Variants in SEC14L6 observed in about 807,000 individuals in gnomAD.
The protein encoded by SEC14L6 is SEC14-like protein 6.
SEC14L6 carries 40 observed loss-of-function variants against 54.1 expected under a neutral mutation model. The observed-to-expected ratio is 0.74, with a 90% CI of 0.57 to 0.96. The LOEUF is 0.96. SEC14L6 is among the 40% of genes least tolerant of loss of function. The pLI is 0.00. For synonymous variants in SEC14L6, 171 were observed against 198.4 expected (o/e 0.86, Z 1.16); for missense variants, 471 against 498.3 (o/e 0.95, Z 0.52).
In SEC14L6 at chr22:30,524,911, G is replaced by A. The variant is rs1936712805; in HGVS notation, c.*86C>T. The A allele has an allele frequency of 2.7e-6, 2 of 740,372 alleles. No individual in the cohort carries two copies. The highest frequency in any genetic ancestry group is 2.9e-4 in the Middle Eastern group (1 of 3,412). The allele number at this position is 740,372 out of a possible 1,614,324, so 45.9% of individuals were successfully genotyped here. A position where few individuals can be genotyped will look rare whatever the true frequency, so the allele number is the denominator to read the frequency against. On this transcript the variant is annotated 3_prime_UTR_variant, in exon 12 of 12. Coordinates refer to ENST00000402034, the MANE Select transcript of SEC14L6 (RefSeq NM_001193336.4). ...GTTGTAGAATCCCTGTTCCTGAGAGGTTGAACAGGGTCTGGCCAGGGAAGG... is the reference window on the plus strand; with the variant it reads ...GTTGTAGAATCCCTGTTCCTGAGAGATTGAACAGGGTCTGGCCAGGGAAGG...
intron 8 of SEC14L6, among the ~76,000 whole-genome samples, chr22:30,527,714 CAAAAAAAAAAAAA>C (rs778118906): frequency 3.3e-5 from 1 of 30,152 alleles, no homozygotes; most frequent in African/African-American, 1.1e-4. Flanking sequence ...GACCTTGTCT[CAAAAAAAAAAAAA>C]AAAAAAAAAA....
intron 1 of SEC14L6, chr22:30,543,087 T>A: frequency 3.1e-6 from 5 of 1,600,256 alleles, no homozygotes; most frequent in Non-Finnish European, 4.3e-6. Flanking sequence ...GCGAGTCTCA[T>A]GGCTTCTCAC....
Position 30,532,317 on chromosome 22 carries a change from G to A in SEC14L6, c.423+208C>T, listed in dbSNP as rs1321746036. On this transcript the variant is annotated intron_variant, in intron 5 of 11. Transcript: ENST00000402034. ...GGCCCAGTGGATTGAGTGGGCTTTGGGGCCAATTGGGGGAGAAATGATTCC... is the reference window on the plus strand; with the variant it reads ...GGCCCAGTGGATTGAGTGGGCTTTGAGGCCAATTGGGGGAGAAATGATTCC... 3 of 974,130 alleles carry A rather than the reference G, an allele frequency of 3.1e-6. No individual in the cohort carries two copies. In the African/African-American group the frequency reaches 5.3e-5, roughly 17 times the overall value. 60.3% of individuals were successfully genotyped at this position (974,130 alleles called of 1,614,324 possible).
chr22:30,542,517 GC>G (rs1468749546), intron 1 of SEC14L6: 2 of 872,154 alleles, frequency 2.3e-6, no homozygotes, highest in East Asian at 3.1e-5. Context: ...CCTCTGGGCA[GC>G]CCCGGCGGCG....
chr22:30,543,467 C>A (rs938079447), intron 1 of SEC14L6: 26 of 1,612,222 alleles, frequency 1.6e-5, no homozygotes, highest in African/African-American at 2.7e-5. Flanking sequence ...GAAACGGCCT[C>A]AACTCTTACA....
At chr22:30,535,236 C>G (rs1173930815) in intron 2 of SEC14L6, among the ~76,000 whole-genome samples, 2 of 152,206 alleles carry the variant, frequency 1.3e-5, no homozygotes, top group Non-Finnish European at 2.9e-5. Flanking sequence ...CTAGCGGCCC[C>G]AGCAGGCTGT....
chr22:30,536,085 T>C (rs550768155), intron 2 of SEC14L6, among the ~76,000 whole-genome samples: 52 of 152,118 alleles, frequency 3.4e-4, no homozygotes, highest in African/African-American at 1.3e-3. Context: ...TGGTCTCAAA[T>C]TCCTGGACTC....
intron 2 of SEC14L6, among the ~76,000 whole-genome samples, chr22:30,534,861 C>A (rs929935377): frequency 3.3e-5 from 5 of 151,884 alleles, no homozygotes; most frequent in Middle Eastern, 3.4e-3. Flanking sequence ...CTCGTCTGTA[C>A]TAAAAGTACA....
intron 6 of SEC14L6, among the ~76,000 whole-genome samples, chr22:30,531,083 G>A (rs536488221): frequency 1.3e-5 from 2 of 152,272 alleles, no homozygotes; most frequent in African/African-American, 2.4e-5. Flanking sequence ...CCGAGAAGCT[G>A]TGGGTATGAA....
chr22:30,544,102 C>T (rs1262046575), intron 1 of SEC14L6: 1 of 1,421,416 alleles, frequency 7.0e-7, no homozygotes, highest in African/African-American at 1.4e-5. Context: ...GTGGTTTGCT[C>T]TAGCACCCAT....
chr22:30,530,249 A>G (rs888875047), intron 6 of SEC14L6, among the ~76,000 whole-genome samples: 36 of 152,184 alleles, frequency 2.4e-4, no homozygotes, highest in African/African-American at 8.4e-4. Context: ...CTCCCTACTA[A>G]AAATACAAAA....
In SEC14L6 at chr22:30,525,895, G is replaced by A. The variant is rs930827227; in HGVS notation, c.702C>T (p.Pro234=). Residue 234 remains proline, a synonymous_variant, in exon 9 of 12, where the codon CCC becomes CCT. Coordinates refer to ENST00000402034, the MANE Select transcript of SEC14L6 (RefSeq NM_001193336.4). ...CCCCAAACTCCACGGGCAGCTGGTC[G>A]GGGCTGATGAATTTTGTCAGCTCCT... ...WKQELTKFIS[P]DQLPVEFGGT... The A allele has an allele frequency of 4.3e-6, 7 of 1,612,952 alleles. No individual in the cohort carries two copies. Among genetic ancestry groups the A allele is most frequent in the African/African-American group, 4.0e-5 (3 of 74,890 alleles).
In SEC14L6 at chr22:30,529,165, TG is replaced by T. The variant is rs1325140723; in HGVS notation, c.585del (p.Lys196SerfsTer5). 2.6e-6 allele frequency: 4 copies of T among 1,550,804 alleles called. No individual in the cohort carries two copies. The part of the protein sequence containing the change: ...ILKSLIVVRA[P>X]KLFAVAFNLV... ...AGGTTGAAGGCTACGGCGAATAGCTTGGGGGCTGAAACCAGGCACAGAACTG... is the reference window on the plus strand; with the variant it reads ...AGGTTGAAGGCTACGGCGAATAGCTTGGGGCTGAAACCAGGCACAGAACTG... On this transcript the variant is annotated frameshift_variant, in exon 8 of 12. Coordinates refer to ENST00000402034, the MANE Select transcript of SEC14L6 (RefSeq NM_001193336.4). LOFTEE classifies it high-confidence loss of function.
intron 1 of SEC14L6, among the ~76,000 whole-genome samples, chr22:30,540,715 C>CAAAA (rs60313942): frequency 7.4e-6 from 1 of 135,046 alleles, no homozygotes; most frequent in African/African-American, 2.8e-5. Context: ...GACCCTGTCT[C>CAAAA]AAAAAAAAAA....
At chr22:30,540,051 C>G (rs2085671885) in intron 1 of SEC14L6, among the ~76,000 whole-genome samples, 1 of 152,246 alleles carries the variant, frequency 6.6e-6, no homozygotes, top group Non-Finnish European at 1.5e-5. Flanking sequence ...GGGTCTTATT[C>G]TCTTTGGGCC....
chr22:30,525,442 G>T lies in SEC14L6; in HGVS notation c.989C>A (p.Ala330Asp). 6.2e-7 allele frequency: 1 copy of T among 1,614,148 alleles called. No individual in the cohort carries two copies. The highest frequency in any genetic ancestry group is 8.5e-7 in the Non-Finnish European group (1 of 1,180,012). ...LKTKMGERQR[A>D]REMTEVLPSQ... The stretch of plus-strand genomic sequence containing the variant: ...GGGCAGCACCTCTGTCATCTCCCTA[G>T]CCCTCTGCCGCTCCCCCATCTTGGT... The change falls in exon 11 of 12, where the codon GCT becomes GAT. Residue 330 changes from alanine to aspartate, a missense_variant. Ala to Asp is a moderately radical substitution (Grantham distance 126). Coordinates refer to ENST00000402034, the MANE Select transcript of SEC14L6 (RefSeq NM_001193336.4).
intron 8 of SEC14L6, among the ~76,000 whole-genome samples, chr22:30,528,063 T>C (rs1936835394): frequency 6.6e-6 from 1 of 151,886 alleles, no homozygotes; most frequent in Non-Finnish European, 1.5e-5. Context: ...TATACATTTC[T>C]GTACTTTACA....
At chr22:30,525,321 C>T (rs1936729008) in intron 11 of SEC14L6, 29 bp downstream of exon 11, 3 of 1,609,772 alleles carry the variant, frequency 1.9e-6, no homozygotes, top group Non-Finnish European at 2.5e-6. Context: ...CCCCCAGCTC[C>T]AGGTAGAGCC....
Position 30,531,993 on chromosome 22 carries a change from C to A in SEC14L6, c.429G>T (p.Gly143=). ...RECELQSQKL[G]KRVEKIIAIF... The stretch of plus-strand genomic sequence containing the variant: ...TAGCTATGATTTTCTCCACCCTCTT[C>A]CCCAGCTGCAAGGGAATGACAGGGG... Residue 143 remains glycine, a synonymous_variant, in exon 6 of 12, where the codon GGG becomes GGT. Coordinates refer to ENST00000402034, the MANE Select transcript of SEC14L6 (RefSeq NM_001193336.4). 6.4e-7 allele frequency: 1 copy of A among 1,550,440 alleles called. No individual in the cohort carries two copies. The highest frequency in any genetic ancestry group is 8.7e-7 in the Non-Finnish European group (1 of 1,146,766).
Sources: allele counts gnomAD v4.1 joint callset (sites outside exome capture counted in the v4.1 genomes callset), GRCh38; gene constraint gnomAD v4.1.1; transcripts MANE v1.5; gene names NCBI Gene and HGNC (gene_info 2026-07-23, HGNC 2026-07-21).